The following DTL variants were observed in gnomAD, a reference collection of about 807,000 sequenced individuals.
DTL encodes denticleless E3 ubiquitin protein ligase adapter, also known as denticleless protein homolog.
In DTL, 46 loss-of-function variants were observed where a neutral mutation model predicts 87.0. That is an observed-to-expected ratio of 0.53 (90% CI 0.42 to 0.68). DTL has a LOEUF of 0.68. Ranked by LOEUF, DTL falls within the 30% of genes least tolerant of loss-of-function variation. DTL has a pLI of 0.00. For synonymous variants in DTL, 308 were observed against 311.2 expected (o/e 0.99, Z 0.11); for missense variants, 737 against 869.4 (o/e 0.85, Z 1.91).
At chr1:212,078,891 T>G (rs1654911081) in intron 12 of DTL, among the ~76,000 whole-genome samples, 4 of 152,202 alleles carry the variant, frequency 2.6e-5, no homozygotes. Context: ...TAATAGTAGC[T>G]CAAGTTCCAG....
Position 212,066,786 on chromosome 1 carries a change from ATCT to A in DTL, c.640-18_640-16del, listed in dbSNP as rs751943689. The A allele has an allele frequency of 1.7e-5, 27 of 1,608,490 alleles. No homozygotes were observed. The highest frequency in any genetic ancestry group is 1.2e-4 in the Admixed American group (7 of 59,778). ...TAAAGATTATGATGCCCAAGATAGA[ATCT>A]TCTTCTTTTCTTGTGCTATCAGGAT... On this transcript the variant is annotated intron_variant, in intron 7 of 14. Transcript: ENST00000366991.
chr1:212,090,383 T>C (rs1201583204), intron 13 of DTL, among the ~76,000 whole-genome samples: 1 of 152,236 alleles, frequency 6.6e-6, no homozygotes, highest in Non-Finnish European at 1.5e-5. Context: ...TGCATTTTTA[T>C]ATCAGCCCAT....
intron 11 of DTL, among the ~76,000 whole-genome samples, chr1:212,072,760 C>CTTTTTTTTTTTTTTTTT (rs368207666): frequency 2.4e-5 from 3 of 124,770 alleles, no homozygotes; most frequent in South Asian, 2.6e-4. Flanking sequence ...ATTTACTAAT[C>CTTTTTTTTTTTTTTTTT]TTTTTTTTTT....
chr1:212,066,514 A>G (rs1397796400), intron 7 of DTL, among the ~76,000 whole-genome samples: 1 of 152,264 alleles, frequency 6.6e-6, no homozygotes, highest in Non-Finnish European at 1.5e-5. Context: ...TCCTAAGGAT[A>G]CACACAGCAT....
intron 5 of DTL, chr1:212,052,112 T>A: frequency 1.4e-6 from 1 of 700,558 alleles, no homozygotes; most frequent in Non-Finnish European, 2.6e-6. Flanking sequence ...TGTTCCACTA[T>A]CATCTCTGCT....
intron 5 of DTL, among the ~76,000 whole-genome samples, chr1:212,048,916 T>A (rs1176456737): frequency 2.0e-5 from 3 of 151,972 alleles, no homozygotes; most frequent in African/African-American, 7.2e-5. Flanking sequence ...GTTTGTTTGT[T>A]TGTTTGTTTG....
Position 212,101,092 on chromosome 1 carries a change from A to C in DTL, c.2094+8A>C. ...AAGAAATTGCCAAGCCCGGTAAGTC[A>C]GCAGTGGTGGGAAGATACATTTCCT... On this transcript the variant is annotated splice_region_variant and intron_variant, in intron 14 of 14. Coordinates refer to ENST00000366991, the MANE Select transcript of DTL (RefSeq NM_016448.4). 6.3e-7 allele frequency: 1 copy of C among 1,587,288 alleles called. No homozygotes were observed. The highest frequency in any genetic ancestry group is 1.2e-5 in the South Asian group (1 of 86,430).
At chr1:212,047,236 A>T in intron 4 of DTL, 24 bp downstream of exon 4, 1 of 1,614,102 alleles carries the variant, frequency 6.2e-7, no homozygotes, top group Non-Finnish European at 8.5e-7. Context: ...TTTCATTAGG[A>T]TCTGGGTAAA....
At chr1:212,039,266 T>C (rs548340131) in intron 1 of DTL, among the ~76,000 whole-genome samples, 32 of 152,326 alleles carry the variant, frequency 2.1e-4, no homozygotes, top group African/African-American at 6.7e-4. Context: ...TAAAATTTTA[T>C]TGGAAGTCCA....
chr1:212,061,883 G>A (rs557862690), intron 5 of DTL, among the ~76,000 whole-genome samples: 1 of 152,280 alleles, frequency 6.6e-6, no homozygotes, highest in Non-Finnish European at 1.5e-5. Flanking sequence ...ATGAAGAAAG[G>A]TTGCTTGATG....
chr1:212,041,470 A>G (rs1667639932), intron 1 of DTL, among the ~76,000 whole-genome samples: 1 of 130,448 alleles, frequency 7.7e-6, no homozygotes, highest in Non-Finnish European at 1.5e-5. Flanking sequence ...TCCGTAGGTT[A>G]ATACTTGTGA....
chr1:212,084,432 C>T lies in DTL; in HGVS notation c.1261+3682C>T, dbSNP rs374332501. On this transcript the variant is annotated intron_variant, in intron 13 of 14. Coordinates refer to ENST00000366991, the MANE Select transcript of DTL (RefSeq NM_016448.4). ...AACTCCTGACCTCAGGTGATCCACC[C>T]GCCTCAGCCTCCCAAAGTGCTGGGA... 4.6e-5 allele frequency among the ~76,000 whole-genome samples: 7 copies of T among 151,920 alleles called. No individual in the cohort carries two copies. In the East Asian group the frequency reaches 7.7e-4, roughly 17 times the overall value.
At chr1:212,056,019 A>G (rs1281567439) in intron 5 of DTL, among the ~76,000 whole-genome samples, 1 of 152,202 alleles carries the variant, frequency 6.6e-6, no homozygotes, top group African/African-American at 2.4e-5. Flanking sequence ...AACCTGTCAC[A>G]GCCACCGCCA....
chr1:212,082,807 G>A (rs2102569493), intron 13 of DTL, among the ~76,000 whole-genome samples: 1 of 152,252 alleles, frequency 6.6e-6, no homozygotes. Context: ...TGAGAGAATA[G>A]AGGAATAAAT....
At chr1:212,045,753 G>A (rs965387399) in intron 3 of DTL, among the ~76,000 whole-genome samples, 14 of 152,194 alleles carry the variant, frequency 9.2e-5, no homozygotes, top group African/African-American at 2.7e-4. Flanking sequence ...AGATAGAAAA[G>A]CATAGGATAT....
chr1:212,043,399 CTG>C (rs972980261), intron 2 of DTL, among the ~76,000 whole-genome samples: 3 of 152,158 alleles, frequency 2.0e-5, no homozygotes, highest in African/African-American at 7.2e-5. Context: ...ACTATGAAAA[CTG>C]TTTTATCCAG....
intron 13 of DTL, among the ~76,000 whole-genome samples, chr1:212,095,435 A>C (rs1173873365): frequency 6.6e-6 from 1 of 151,808 alleles, no homozygotes; most frequent in Non-Finnish European, 1.5e-5. Flanking sequence ...GCTCACTGCA[A>C]CCTCCACCAC....
chr1:212,070,972 T>C (rs2102556631), intron 10 of DTL, among the ~76,000 whole-genome samples: 1 of 152,298 alleles, frequency 6.6e-6, no homozygotes, highest in Non-Finnish European at 1.5e-5. Context: ...AGTTGAGAGT[T>C]GAGGAAGATT....
intron 8 of DTL, 100 bp from the exon 9 acceptor site, chr1:212,068,124 C>A: frequency 1.4e-6 from 1 of 692,780 alleles, no homozygotes; most frequent in Admixed American, 3.0e-5. Context: ...AGTTAATGTG[C>A]CAGAGGAGTT....
Sources: gnomAD v4.1 joint callset for allele counts (sites outside exome capture counted in the v4.1 genomes callset) on GRCh38, gnomAD v4.1.1 for gene constraint, MANE v1.5 for transcripts, NCBI Gene and HGNC (gene_info 2026-07-23, HGNC 2026-07-21) for gene names.